PTPRM: variants seen among roughly 807,000 people sequenced by gnomAD.
PTPRM encodes the protein protein tyrosine phosphatase receptor type M.
A neutral mutation model predicts 186.7 loss-of-function variants in PTPRM; 47 were observed. The observed-to-expected ratio is 0.25, with a 90% confidence interval of 0.20 to 0.32. PTPRM has a LOEUF of 0.32. Ranked by LOEUF, PTPRM falls within the 10% of genes least tolerant of loss-of-function variation. PTPRM has a pLI of 1.00. For synonymous variants in PTPRM, 668 were observed against 674.9 expected (o/e 0.99, Z 0.16); for missense variants, 1,494 against 1,865.0 (o/e 0.80, Z 3.66).
chr18:8,263,998 TG>T (rs1245902953), intron 19 of PTPRM, among the ~76,000 whole-genome samples: 1 of 152,172 alleles, frequency 6.6e-6, no homozygotes, highest in African/African-American at 2.4e-5. Context: ...AGCCTACTAC[TG>T]GGGACTGGCA....
chr18:7,850,470 T>G (rs2046808523), intron 2 of PTPRM, among the ~76,000 whole-genome samples: 1 of 152,216 alleles, frequency 6.6e-6, no homozygotes, highest in Non-Finnish European at 1.5e-5. Context: ...CTTTTCCCAT[T>G]CAGGCATTTG....
intron 19 of PTPRM, among the ~76,000 whole-genome samples, chr18:8,256,219 G>A (rs1327199823): frequency 6.6e-6 from 1 of 152,072 alleles, no homozygotes; most frequent in Non-Finnish European, 1.5e-5. Context: ...TATTCAGTGA[G>A]GCCATCCCAC....
chr18:7,706,088 T>A (rs1470064481), intron 1 of PTPRM, among the ~76,000 whole-genome samples: 1 of 150,958 alleles, frequency 6.6e-6, no homozygotes, highest in Non-Finnish European at 1.5e-5. Context: ...TTTGTTACCT[T>A]TTAAAATAGT....
intron 23 of PTPRM, among the ~76,000 whole-genome samples, chr18:8,360,659 G>A (rs547257597): frequency 2.0e-5 from 3 of 152,272 alleles, no homozygotes; most frequent in Admixed American, 6.5e-5. Flanking sequence ...TGAAACAGAC[G>A]CACTGCAGGA....
intron 7 of PTPRM, among the ~76,000 whole-genome samples, chr18:7,994,001 A>T (rs2147667105): frequency 6.6e-6 from 1 of 152,184 alleles, no homozygotes; most frequent in East Asian, 1.9e-4. Context: ...TCTCCCAGTT[A>T]AAAGATATGG....
Position 7,625,727 on chromosome 18 carries a change from G to C in PTPRM, c.73+57836G>C, listed in dbSNP as rs554352998. 4.8e-5 allele frequency among the ~76,000 whole-genome samples: 7 copies of C among 146,402 alleles called. No homozygotes were observed. In the South Asian group the frequency reaches 1.4e-3, roughly 29 times the overall value. On this transcript the variant is annotated intron_variant, in intron 1 of 32. Transcript: ENST00000580170. ...TTTTTGTATTTTTAATAAAGACTGG[G>C]TTTTGCCATGTTGGCCAGGCTGGTC...
At chr18:8,065,806 T>C (rs611022) in intron 7 of PTPRM, among the ~76,000 whole-genome samples, 98,588 of 152,074 alleles carry the variant, frequency 0.65, 32,238 homozygotes, top group African/African-American at 0.72. Flanking sequence ...TGCTGTGCCA[T>C]GTTTTGGGGG....
chr18:8,304,367 C>A (rs536487616), intron 20 of PTPRM, among the ~76,000 whole-genome samples: 1 of 152,108 alleles, frequency 6.6e-6, no homozygotes, highest in Non-Finnish European at 1.5e-5. Context: ...CCTATGTACA[C>A]GGGGGGAAAA....
At chr18:7,990,670 C>T (rs929224617) in intron 7 of PTPRM, among the ~76,000 whole-genome samples, 5 of 152,158 alleles carry the variant, frequency 3.3e-5, no homozygotes, top group Non-Finnish European at 7.3e-5. Context: ...GTCCTTCAGG[C>T]TTAAACAGAG....
intron 22 of PTPRM, among the ~76,000 whole-genome samples, chr18:8,323,834 T>C (rs951476968): frequency 6.6e-6 from 1 of 152,072 alleles, no homozygotes; most frequent in African/African-American, 2.4e-5. Context: ...GGCCCAAATG[T>C]CCCTCACCTT....
chr18:7,726,565 C>A (rs1374304409), intron 1 of PTPRM, among the ~76,000 whole-genome samples: 1 of 152,148 alleles, frequency 6.6e-6, no homozygotes, highest in African/African-American at 2.4e-5. Context: ...AGTGGTGTAT[C>A]TTTACCTCCC....
At chr18:7,762,634 T>G (rs1271431515) in intron 1 of PTPRM, among the ~76,000 whole-genome samples, 2 of 151,542 alleles carry the variant, frequency 1.3e-5, no homozygotes, top group East Asian at 1.9e-4. Flanking sequence ...TTGTTGGGAG[T>G]GTGTGGGATA....
intron 2 of PTPRM, among the ~76,000 whole-genome samples, chr18:7,887,492 G>A (rs1465387714): frequency 2.0e-5 from 3 of 152,200 alleles, no homozygotes; most frequent in African/African-American, 4.8e-5. Context: ...GTGCTGAAGT[G>A]CAAGAGGATC....
At chr18:8,092,371 A>ATTAATAAGATATGGAAAAGTGTAAC (rs1388747638) in intron 11 of PTPRM, among the ~76,000 whole-genome samples, 161 of 152,310 alleles carry the variant, frequency 1.1e-3, no homozygotes, top group Non-Finnish European at 2.0e-3. Flanking sequence ...AAGTTTTTTC[A>ATTAATAAGATATGGAAAAGTGTAAC]TTAATAAGAT....
At chr18:8,293,509 A>C (rs912236190) in intron 19 of PTPRM, among the ~76,000 whole-genome samples, 2 of 149,738 alleles carry the variant, frequency 1.3e-5, no homozygotes, top group East Asian at 3.9e-4. Context: ...TCTCAAAGTC[A>C]CTTTTCTTCT....
intron 7 of PTPRM, among the ~76,000 whole-genome samples, chr18:7,975,475 A>C (rs1345605009): frequency 2.6e-5 from 4 of 152,246 alleles, no homozygotes; most frequent in Non-Finnish European, 4.4e-5. Context: ...TTAAGTGTAT[A>C]TTAAGAAGTG....
In PTPRM at chr18:7,684,221, GC is replaced by G. The variant is rs2039544220; in HGVS notation, c.74-89925del. On this transcript the variant is annotated intron_variant, in intron 1 of 32. Coordinates refer to ENST00000580170, the MANE Select transcript of PTPRM (RefSeq NM_001105244.2). Reference sequence around the variant, plus strand: ...AGACTGAGGCAGGAGGATTCCTTGAGCCCAGGGGTTAAAGGTTGCAGGGAGC... The same window carrying G: ...AGACTGAGGCAGGAGGATTCCTTGAGCCAGGGGTTAAAGGTTGCAGGGAGC... Among the ~76,000 whole-genome samples, 7 of 152,098 alleles carry G rather than the reference GC, an allele frequency of 4.6e-5. No homozygotes were observed. In the South Asian group the frequency reaches 1.5e-3, roughly 32 times the overall value.
chr18:7,994,265 A>ACACAC (rs145006322), intron 7 of PTPRM, among the ~76,000 whole-genome samples: 1 of 148,906 alleles, frequency 6.7e-6, no homozygotes. Flanking sequence ...GGATATAAAT[A>ACACAC]ACACACACAC....
chr18:7,948,577 A>C (rs1284555438), intron 5 of PTPRM, among the ~76,000 whole-genome samples: 5 of 152,184 alleles, frequency 3.3e-5, no homozygotes, highest in African/African-American at 1.2e-4. Flanking sequence ...TATGGGATGT[A>C]GAGAGGAACC....
Sources: allele counts gnomAD v4.1 joint callset (sites outside exome capture counted in the v4.1 genomes callset), GRCh38; gene constraint gnomAD v4.1.1; transcripts MANE v1.5; gene names NCBI Gene and HGNC (gene_info 2026-07-23, HGNC 2026-07-21).